The following RYR2 variants were observed in gnomAD, a reference collection of about 807,000 sequenced individuals.
The protein encoded by RYR2 is cardiac muscle ryanodine receptor-calcium release channel.
Under a neutral mutation model 601.1 loss-of-function variants are expected in RYR2, and 227 were observed. The observed-to-expected ratio is 0.38, with a 90% CI of 0.34 to 0.42. RYR2 has a LOEUF of 0.42. Ranked by LOEUF, RYR2 falls within the 10% of genes least tolerant of loss-of-function variation. The pLI is 1.00. For synonymous variants in RYR2, 2,223 were observed against 2,175.1 expected (o/e 1.02, Z -0.61); for missense variants, 4,646 against 6,156.5 (o/e 0.75, Z 8.21).
intron 1 of RYR2, among the ~76,000 whole-genome samples, chr1:237,136,779 G>A (rs768898211): frequency 3.9e-5 from 6 of 152,148 alleles, no homozygotes; most frequent in Non-Finnish European, 7.3e-5. Flanking sequence ...ACTTTGGGAG[G>A]CCGAAGCAGG....
chr1:237,433,191 C>T (rs975262022), intron 12 of RYR2, among the ~76,000 whole-genome samples: 9 of 151,894 alleles, frequency 5.9e-5, no homozygotes, highest in Non-Finnish European at 1.2e-4. Context: ...GAAAAAAGGG[C>T]TGTGGAACTA....
chr1:237,259,030 T>C (rs1253576217), intron 1 of RYR2, among the ~76,000 whole-genome samples: 1 of 152,020 alleles, frequency 6.6e-6, no homozygotes, highest in Non-Finnish European at 1.5e-5. Flanking sequence ...ATCATCTTGA[T>C]GGTGTCTGGT....
At chr1:237,498,203 A>C (rs1468788734) in intron 20 of RYR2, among the ~76,000 whole-genome samples, 1 of 152,048 alleles carries the variant, frequency 6.6e-6, no homozygotes, top group Non-Finnish European at 1.5e-5. Flanking sequence ...AAAGGTATAT[A>C]TATATTTATG....
chr1:237,605,079 A>G (rs1458054169), intron 35 of RYR2, among the ~76,000 whole-genome samples: 2 of 152,180 alleles, frequency 1.3e-5, no homozygotes. Context: ...TTATGAGGCC[A>G]GCATCATCCT....
rs2819766 is a variant in RYR2 at position 237,753,747 on chromosome 1, C to T, written c.11146-2541C>T. 1.6e-4 allele frequency among the ~76,000 whole-genome samples: 24 copies of T among 152,262 alleles called. No homozygotes were observed. In the South Asian group the frequency reaches 4.6e-3, roughly 29 times the overall value. On this transcript the variant is annotated intron_variant, in intron 80 of 104. Transcript: ENST00000366574. The stretch of plus-strand genomic sequence containing the variant: ...CCTTAGGCAGTTTAAGCAGAAGCTG[C>T]TGTGTCAGAGAACTCTATTCTTGAA...
chr1:237,573,404 T>C (rs1191442473), intron 29 of RYR2, among the ~76,000 whole-genome samples: 1 of 151,850 alleles, frequency 6.6e-6, no homozygotes, highest in Non-Finnish European at 1.5e-5. Flanking sequence ...AATGATTTGC[T>C]GACCAGTATA....
intron 92 of RYR2, among the ~76,000 whole-genome samples, chr1:237,791,195 C>T (rs1296634268): frequency 6.6e-6 from 1 of 152,224 alleles, no homozygotes; most frequent in African/African-American, 2.4e-5. Context: ...TAGCATTTAA[C>T]ATTCTCTGAA....
At chr1:237,262,832 A>G (rs1305836637) in intron 1 of RYR2, among the ~76,000 whole-genome samples, 2 of 152,142 alleles carry the variant, frequency 1.3e-5, no homozygotes, top group Non-Finnish European at 1.5e-5. Context: ...CACAAAGCCT[A>G]AACCTGGAAA....
intron 1 of RYR2, among the ~76,000 whole-genome samples, chr1:237,268,935 C>CAAAAA (rs1160004017): frequency 0.02 from 316 of 16,202 alleles, 44 homozygotes; most frequent in Admixed American, 0.059. Context: ...ACTCTTGTCT[C>CAAAAA]AAAAAAAAAA....
intron 62 of RYR2, among the ~76,000 whole-genome samples, chr1:237,684,461 T>A (rs2148955194): frequency 6.6e-6 from 1 of 151,724 alleles, no homozygotes; most frequent in Non-Finnish European, 1.5e-5. Flanking sequence ...GCAGCTGGGG[T>A]GAGAAACAGG....
intron 16 of RYR2, among the ~76,000 whole-genome samples, chr1:237,457,927 T>C (rs1659030809): frequency 6.6e-6 from 1 of 152,154 alleles, no homozygotes; most frequent in Non-Finnish European, 1.5e-5. Flanking sequence ...GAAGATAAAG[T>C]TCACCTTGTT....
At chr1:237,465,624 A>C (rs753271909) in intron 16 of RYR2, among the ~76,000 whole-genome samples, 2 of 152,144 alleles carry the variant, frequency 1.3e-5, no homozygotes, top group Non-Finnish European at 2.9e-5. Flanking sequence ...CTGCACGGCT[A>C]TGCTATACGG....
At chr1:237,540,674 T>G (rs1247936698) in intron 25 of RYR2, among the ~76,000 whole-genome samples, 1 of 150,086 alleles carries the variant, frequency 6.7e-6, no homozygotes, top group Non-Finnish European at 1.5e-5. Flanking sequence ...ATCATTGTAA[T>G]CCAGCCTGGA....
chr1:237,173,473 AG>A (rs1677650003), intron 1 of RYR2, among the ~76,000 whole-genome samples: 1 of 152,330 alleles, frequency 6.6e-6, no homozygotes, highest in Non-Finnish European at 1.5e-5. Flanking sequence ...AGTGGTCGGA[AG>A]GGCACCTGCA....
chr1:237,070,345 G>T (rs1382453982), intron 1 of RYR2, among the ~76,000 whole-genome samples: 1 of 152,180 alleles, frequency 6.6e-6, no homozygotes, highest in Non-Finnish European at 1.5e-5. Flanking sequence ...TTTTAAATAA[G>T]TATATCAAAC....
Position 237,503,386 on chromosome 1 carries a change from T to C in RYR2, c.2494T>C (p.Leu832=). 6.8e-6 allele frequency: 11 copies of C among 1,613,916 alleles called. No homozygotes were observed. Among genetic ancestry groups the C allele is most frequent in the Non-Finnish European group, 9.3e-6 (11 of 1,179,890 alleles). Residue 832 remains leucine (L), a synonymous_variant, in exon 22 of 105, where the codon TTG becomes CTG. Transcript: ENST00000366574. Reference sequence around the variant, plus strand: ...TGAAGCTGTTCTGCCAAAAGAAAAGTTGAAAGTGGAACACAGCCGAGAGTA... The same window carrying C: ...TGAAGCTGTTCTGCCAAAAGAAAAGCTGAAAGTGGAACACAGCCGAGAGTA... ...CYEAVLPKEK[L]KVEHSREYKQ...
In RYR2 at chr1:237,503,332, C is replaced by A. The variant is rs1036978678; in HGVS notation, c.2440C>A (p.Leu814Ile). ...LGGRHGEFKFLPPPGYAPCYE... is the reference protein window; with the variant it reads ...LGGRHGEFKFIPPPGYAPCYE... ...AGGGCGACATGGAGAATTCAAATTTCTTCCTCCACCTGGGTATGCTCCTTG... is the reference window on the plus strand; with the variant it reads ...AGGGCGACATGGAGAATTCAAATTTATTCCTCCACCTGGGTATGCTCCTTG... The change falls in exon 22 of 105, where the codon CTT becomes ATT. Residue 814 changes from leucine to isoleucine, a missense_variant. By Grantham distance (5) the Leu-to-Ile change is conservative. This residue lies in a region of RYR2 where 1,807 missense variants were observed against 2,088.1 expected (regional missense o/e 0.87). Transcript: ENST00000366574. The A allele has an allele frequency of 6.2e-7, 1 of 1,613,498 alleles. No individual in the cohort carries two copies. The highest frequency in any genetic ancestry group is 1.3e-5 in the African/African-American group (1 of 74,882).
chr1:237,042,483 G>A lies in RYR2; in HGVS notation c.-39G>A, dbSNP rs1168239366. 2 of 1,243,944 alleles carry A rather than the reference G, an allele frequency of 1.6e-6. No homozygotes were observed. The highest frequency in any genetic ancestry group is 1.6e-5 in the African/African-American group (1 of 64,260). 77.1% of individuals were successfully genotyped at this position (1,243,944 alleles called of 1,614,324 possible). On this transcript the variant is annotated 5_prime_UTR_variant, in exon 1 of 105. Transcript: ENST00000366574. ...GGCCGCCGCCGCCGCCGAGCTCCGC[G>A]GGGCTCGGGAGCCGGCCCCGGCGAG...
At chr1:237,174,319 T>C (rs984691925) in intron 1 of RYR2, among the ~76,000 whole-genome samples, 2 of 152,200 alleles carry the variant, frequency 1.3e-5, no homozygotes, top group Admixed American at 6.5e-5. Flanking sequence ...ATTAAAGAAA[T>C]AGTAAATAAC....
Sources: gnomAD v4.1 joint callset for allele counts (sites outside exome capture counted in the v4.1 genomes callset) on GRCh38, gnomAD v4.1.1 for gene constraint, gnomAD v4.1.1 regional missense constraint, MANE v1.5 for transcripts, NCBI Gene and HGNC (gene_info 2026-07-23, HGNC 2026-07-21) for gene names.